The following SCARB1 variants were observed in gnomAD, a reference collection of about 807,000 sequenced individuals.
SCARB1 encodes scavenger receptor class B member 1.
In SCARB1, 30 loss-of-function variants were observed where a neutral mutation model predicts 57.2. That is an observed-to-expected ratio of 0.52 (90% CI 0.39 to 0.71). SCARB1 has a LOEUF of 0.71. Ranked by LOEUF, SCARB1 falls within the 30% of genes least tolerant of loss-of-function variation. The probability of loss-of-function intolerance (pLI) is 0.00; values close to 1 mark genes in which losing one functional copy is unlikely to be tolerated. For synonymous variants in SCARB1, 249 were observed against 268.3 expected, an observed-to-expected ratio of 0.93 and a Z score of 0.70; for missense variants, 543 against 671.2, an observed-to-expected ratio of 0.81 and a Z score of 2.11.
rs1950087906 is a variant in SCARB1 at position 124,800,379 on chromosome 12, C to A, written c.1010-137G>T. Reference sequence around the variant, plus strand: ...CAAGATAACCAGACAGAGAGGATCCCTTCCTCCATTCTGTAAAAAGCCCCA... The same window carrying A: ...CAAGATAACCAGACAGAGAGGATCCATTCCTCCATTCTGTAAAAAGCCCCA... On this transcript the variant is annotated intron_variant, in intron 7 of 12. Transcript: ENST00000261693. The surrounding 1 kb of genome is among the most constrained non-coding windows in gnomAD (Gnocchi z 4.8). 4 of 644,420 alleles carry A rather than the reference C, an allele frequency of 6.2e-6. No individual in the cohort carries two copies. Among genetic ancestry groups the A allele is most frequent in the Non-Finnish European group, 1.1e-5 (4 of 360,072 alleles). 39.9% of individuals were successfully genotyped at this position (644,420 alleles called of 1,614,324 possible).
At chr12:124,838,321 C>G (rs1951774751) in intron 1 of SCARB1, among the ~76,000 whole-genome samples, 1 of 152,198 alleles carries the variant, frequency 6.6e-6, no homozygotes, top group Admixed American at 6.5e-5. Flanking sequence ...CCTGATATGC[C>G]ACATGGAGAC....
chr12:124,834,005 G>A (rs1951527372), intron 1 of SCARB1, among the ~76,000 whole-genome samples: 1 of 152,244 alleles, frequency 6.6e-6, no homozygotes, highest in African/African-American at 2.4e-5. Flanking sequence ...TGCCCGTGCT[G>A]CCTGCACTGC....
chr12:124,829,616 A>C (rs973048138), intron 1 of SCARB1, among the ~76,000 whole-genome samples: 4 of 152,164 alleles, frequency 2.6e-5, no homozygotes, highest in African/African-American at 9.7e-5. Context: ...TTTCTGCCAC[A>C]GGGCCTTTGC....
intron 11 of SCARB1, chr12:124,784,056 G>A (rs896977305): frequency 2.0e-5 from 3 of 152,240 alleles, no homozygotes; most frequent in African/African-American, 7.2e-5. Flanking sequence ...ACAATTTGGA[G>A]ACAGACAGAA....
At chr12:124,798,270 G>C (rs1950015469) in intron 8 of SCARB1, among the ~76,000 whole-genome samples, 1 of 152,158 alleles carries the variant, frequency 6.6e-6, no homozygotes, top group Non-Finnish European at 1.5e-5. Flanking sequence ...AATTAGCCAG[G>C]TGTGGTGGTG....
intron 1 of SCARB1, among the ~76,000 whole-genome samples, chr12:124,852,072 A>G: frequency 6.6e-6 from 1 of 152,110 alleles, no homozygotes; most frequent in East Asian, 1.9e-4. Context: ...TTCCTCCTGG[A>G]GGCAGGAGGT....
At position 124,807,970 on chromosome 12, in the gene SCARB1, C is replaced by A; in HGVS notation, c.843-43G>T. The A allele has an allele frequency of 4.4e-6, 7 of 1,601,052 alleles. No homozygotes were observed. Among genetic ancestry groups the A allele is most frequent in the East Asian group, 2.2e-5 (1 of 44,786 alleles). ...GATGAGAGGGGACACCCAGACCCGGCGGCCAGAGCCAGGCCCTGCCAAAGG... is the reference window on the plus strand; with the variant it reads ...GATGAGAGGGGACACCCAGACCCGGAGGCCAGAGCCAGGCCCTGCCAAAGG... On this transcript the variant is annotated intron_variant, in intron 6 of 12. Transcript: ENST00000261693. This position sits in a 1 kb window ranked among gnomAD's most constrained non-coding sequence, Gnocchi z 5.3.
At position 124,822,027 on chromosome 12, in the gene SCARB1, G is replaced by A. The variant is rs368865350; in HGVS notation, c.127-4320C>T. Among the ~76,000 whole-genome samples, 44 of 152,228 alleles carry A rather than the reference G, an allele frequency of 2.9e-4. 1 individual carries two copies. The highest frequency in any genetic ancestry group is 1.0e-3 in the African/African-American group (42 of 41,544). Reference sequence around the variant, plus strand: ...ATGCCAAGGTGAGCCCTTGTTGGACGCCACTCCCTCCCATCTGGCGAAATA... The same window carrying A: ...ATGCCAAGGTGAGCCCTTGTTGGACACCACTCCCTCCCATCTGGCGAAATA... On this transcript the variant is annotated intron_variant, in intron 1 of 12. Transcript: ENST00000261693. This position sits in a 1 kb window ranked among gnomAD's most constrained non-coding sequence, Gnocchi z 5.0.
chr12:124,832,455 G>A (rs1031514680), intron 1 of SCARB1, among the ~76,000 whole-genome samples: 1 of 152,092 alleles, frequency 6.6e-6, no homozygotes, highest in Non-Finnish European at 1.5e-5. Context: ...GGAAGGCAGA[G>A]GTTCTAGTGA....
At position 124,797,843 on chromosome 12, in the gene SCARB1, T is replaced by C. The variant is rs536058463; in HGVS notation, c.1128+2281A>G. On this transcript the variant is annotated intron_variant, in intron 8 of 12. Coordinates refer to ENST00000261693, the MANE Select transcript of SCARB1 (RefSeq NM_005505.5). ...CAAAGAAAAATGGTGCAGAACAGCA[T>C]CCGCCATGGAGCTTCGGGAAGGGCC... Among the ~76,000 whole-genome samples the C allele has an allele frequency of 6.6e-5, 10 of 152,308 alleles. No individual in the cohort carries two copies. In the South Asian group the frequency reaches 1.9e-3, roughly 28 times the overall value.
chr12:124,845,304 G>C (rs1460914341), intron 1 of SCARB1, among the ~76,000 whole-genome samples: 5 of 152,164 alleles, frequency 3.3e-5, no homozygotes, highest in Non-Finnish European at 7.3e-5. Flanking sequence ...AAGGAAAGCA[G>C]CACTCCACAT....
rs551802806 is a variant in SCARB1 at position 124,839,500 on chromosome 12, G to A, written c.127-21793C>T. Among the ~76,000 whole-genome samples the A allele has an allele frequency of 1.5e-3, 221 of 152,258 alleles. 6 individuals are homozygous for A. Among genetic ancestry groups the A allele is most frequent in the African/African-American group, 4.1e-3 (171 of 41,548 alleles). On this transcript the variant is annotated intron_variant, in intron 1 of 12. Coordinates refer to ENST00000261693, the MANE Select transcript of SCARB1 (RefSeq NM_005505.5). ...CCACCGTTGGGCCATCGTGAACAGC[G>A]CTGCAATGAACGCGGTGGCCAGATT...
At chr12:124,821,169 C>T (rs769597623) in intron 1 of SCARB1, among the ~76,000 whole-genome samples, 6 of 151,950 alleles carry the variant, frequency 3.9e-5, no homozygotes, top group Non-Finnish European at 7.4e-5. Context: ...GCCCAGGAAG[C>T]AGAGGTTGCA....
Position 124,785,968 on chromosome 12 carries a change from C to T in SCARB1, c.1401+389G>A, listed in dbSNP as rs1014775000. 2.5e-6 allele frequency: 3 copies of T among 1,223,252 alleles called. No individual in the cohort carries two copies. The African/African-American group carries it at 4.6e-5, about 19-fold the overall frequency. 75.8% of individuals were successfully genotyped at this position (1,223,252 alleles called of 1,614,324 possible). A position where few individuals can be genotyped will look rare whatever the true frequency, so the allele number is the denominator to read the frequency against. The stretch of plus-strand genomic sequence containing the variant: ...CTCCCCGGCTGGGATGCCAGCCCCC[C>T]TCAATCCCCCTGAGCAGGGATCTCA... On this transcript the variant is annotated intron_variant, in intron 11 of 12. Transcript: ENST00000261693.
chr12:124,846,176 G>T (rs975721103), intron 1 of SCARB1, among the ~76,000 whole-genome samples: 1 of 152,160 alleles, frequency 6.6e-6, no homozygotes, highest in African/African-American at 2.4e-5. Context: ...AGAAGTGGTG[G>T]TATCACTGAA....
intron 1 of SCARB1, among the ~76,000 whole-genome samples, chr12:124,863,088 C>G (rs1306144840): frequency 6.6e-6 from 1 of 152,206 alleles, no homozygotes; most frequent in Non-Finnish European, 1.5e-5. Flanking sequence ...CAGCTGAGCA[C>G]CTACCATGTG....
chr12:124,861,477 TAA>T lies in SCARB1; in HGVS notation c.126+2116_126+2117del, dbSNP rs66926773. Among the ~76,000 whole-genome samples the T allele has an allele frequency of 4.6e-5, 7 of 150,752 alleles. 1 individual carries two copies. The highest frequency in any genetic ancestry group is 2.0e-4 in the Admixed American group (3 of 15,088). The stretch of plus-strand genomic sequence containing the variant: ...TTCTGTTGTTAACCAAAAAGCACAT[TAA>T]AAAAAAAAAATAAAAGCACAAGGCC... On this transcript the variant is annotated intron_variant, in intron 1 of 12. Coordinates refer to ENST00000261693, the MANE Select transcript of SCARB1 (RefSeq NM_005505.5).
chr12:124,854,682 A>C (rs4765181), intron 1 of SCARB1, among the ~76,000 whole-genome samples: 97,133 of 151,922 alleles, frequency 0.64, 31,271 homozygotes, highest in African/African-American at 0.7. Flanking sequence ...GGGTTCTCTG[A>C]GGGAAGTGGA....
At chr12:124,852,867 C>G (rs1238982549) in intron 1 of SCARB1, among the ~76,000 whole-genome samples, 3 of 152,118 alleles carry the variant, frequency 2.0e-5, no homozygotes, top group African/African-American at 7.2e-5. Flanking sequence ...ATGGTGAGAC[C>G]CCATCTCTAC....
Sources: allele counts gnomAD v4.1 joint callset (sites outside exome capture counted in the v4.1 genomes callset), GRCh38; gene constraint gnomAD v4.1.1; non-coding constraint Gnocchi (gnomAD v3.1); transcripts MANE v1.5; gene names NCBI Gene and HGNC (gene_info 2026-07-23, HGNC 2026-07-21).